Variants in CACNA2D1 observed in about 807,000 individuals in gnomAD.
The protein encoded by CACNA2D1 is voltage-dependent calcium channel subunit alpha-2/delta-1.
A neutral mutation model predicts 171.5 loss-of-function variants in CACNA2D1; 53 were observed. That is an observed-to-expected ratio of 0.31 (90% CI 0.25 to 0.39). CACNA2D1 has a LOEUF of 0.39. Among genes scored for constraint, CACNA2D1 ranks in the 10% least tolerant of loss-of-function variants. The pLI is 1.00. For synonymous variants in CACNA2D1, 442 were observed against 443.1 expected (o/e 1.00, Z 0.03); for missense variants, 903 against 1,299.8 (o/e 0.69, Z 4.69).
At chr7:82,001,592 A>C (rs1398231521) in intron 18 of CACNA2D1, 2 of 486,590 alleles carry the variant, frequency 4.1e-6, no homozygotes, top group Non-Finnish European at 7.5e-6. Flanking sequence ...TAAGAACAGA[A>C]GCTTAATCCC....
At chr7:82,060,022 G>A (rs1282514453) in intron 10 of CACNA2D1, among the ~76,000 whole-genome samples, 1 of 100,188 alleles carries the variant, frequency 1.0e-5, no homozygotes, top group Non-Finnish European at 2.0e-5. Context: ...GGGAGGGATA[G>A]CATTAGGAGA....
At chr7:82,283,343 G>A (rs1395284026) in intron 3 of CACNA2D1, among the ~76,000 whole-genome samples, 3 of 152,148 alleles carry the variant, frequency 2.0e-5, no homozygotes, top group Non-Finnish European at 2.9e-5. Context: ...TTATATGCAA[G>A]GCTGGGCAGG....
At chr7:82,226,150 C>T (rs932194330) in intron 3 of CACNA2D1, among the ~76,000 whole-genome samples, 1 of 152,118 alleles carries the variant, frequency 6.6e-6, no homozygotes, top group Non-Finnish European at 1.5e-5. Flanking sequence ...AGGTGAATAA[C>T]CATCTTATTT....
intron 5 of CACNA2D1, among the ~76,000 whole-genome samples, chr7:82,123,916 T>C (rs1790028274): frequency 1.3e-5 from 2 of 152,098 alleles, no homozygotes; most frequent in Admixed American, 1.3e-4. Context: ...TAAGCATATG[T>C]ATATAAGCAT....
chr7:82,034,250 T>A (rs1156788538), intron 11 of CACNA2D1, among the ~76,000 whole-genome samples: 2 of 152,130 alleles, frequency 1.3e-5, no homozygotes, highest in African/African-American at 4.8e-5. Context: ...GCCCTGGCTT[T>A]TAAATGACTA....
chr7:81,980,500 G>T (rs983809177), intron 24 of CACNA2D1, among the ~76,000 whole-genome samples: 1 of 152,160 alleles, frequency 6.6e-6, no homozygotes, highest in African/African-American at 2.4e-5. Flanking sequence ...ACCAGGACTT[G>T]GTGGAAGAGC....
At chr7:82,194,332 C>T (rs973215821) in intron 3 of CACNA2D1, among the ~76,000 whole-genome samples, 1 of 151,994 alleles carries the variant, frequency 6.6e-6, no homozygotes, top group Admixed American at 6.6e-5. Flanking sequence ...CCAAAAATGA[C>T]AAACTCCTGC....
At chr7:82,319,792 T>C (rs924524163) in intron 3 of CACNA2D1, among the ~76,000 whole-genome samples, 4 of 152,186 alleles carry the variant, frequency 2.6e-5, no homozygotes, top group Admixed American at 1.3e-4. Context: ...GTAGCTGTAA[T>C]TGGGGAGTAA....
chr7:82,111,340 A>C (rs1788364839), intron 6 of CACNA2D1, among the ~76,000 whole-genome samples: 1 of 145,522 alleles, frequency 6.9e-6, no homozygotes, highest in Non-Finnish European at 1.5e-5. Context: ...ACACGTATAT[A>C]TATTCATATA....
intron 1 of CACNA2D1, among the ~76,000 whole-genome samples, chr7:82,371,698 C>T (rs1038161232): frequency 1.3e-5 from 2 of 152,082 alleles, no homozygotes; most frequent in Non-Finnish European, 2.9e-5. Context: ...CCTTAGACTC[C>T]CGAGTAGCTG....
At chr7:82,178,563 T>C (rs1029544567) in intron 3 of CACNA2D1, among the ~76,000 whole-genome samples, 2 of 152,142 alleles carry the variant, frequency 1.3e-5, no homozygotes, top group African/African-American at 4.8e-5. Flanking sequence ...ATTCTGATTC[T>C]ATAGCTGGTG....
chr7:82,372,308 T>C (rs1192487766), intron 1 of CACNA2D1, among the ~76,000 whole-genome samples: 1 of 152,026 alleles, frequency 6.6e-6, no homozygotes, highest in Non-Finnish European at 1.5e-5. Context: ...CAAGGCAACA[T>C]CCCCAAAATT....
chr7:82,283,895 T>C (rs1328344835), intron 3 of CACNA2D1, among the ~76,000 whole-genome samples: 1 of 152,066 alleles, frequency 6.6e-6, no homozygotes, highest in African/African-American at 2.4e-5. Context: ...GATGCCCACC[T>C]TGCAGCATGT....
At chr7:82,113,760 G>A (rs889231974) in intron 6 of CACNA2D1, among the ~76,000 whole-genome samples, 14 of 152,118 alleles carry the variant, frequency 9.2e-5, no homozygotes, top group African/African-American at 3.4e-4. Flanking sequence ...AAGAATACTG[G>A]TAATTATTAA....
intron 21 of CACNA2D1, among the ~76,000 whole-genome samples, chr7:81,985,459 G>A (rs912597427): frequency 2.0e-5 from 3 of 152,130 alleles, no homozygotes; most frequent in South Asian, 4.2e-4. Context: ...TTACAGGCAT[G>A]AGCCTCCACG....
intron 1 of CACNA2D1, among the ~76,000 whole-genome samples, chr7:82,398,178 C>T (rs1412119339): frequency 6.6e-6 from 1 of 152,158 alleles, no homozygotes; most frequent in African/African-American, 2.4e-5. Flanking sequence ...CTTAGAGCCC[C>T]AGTCCTAACA....
rs1791644953 is a variant in CACNA2D1 at position 82,136,618 on chromosome 7, A to G, written c.396+17T>C. On this transcript the variant is annotated intron_variant, in intron 5 of 38. Coordinates refer to ENST00000356860, the MANE Select transcript of CACNA2D1 (RefSeq NM_000722.4). ...TATAATTTTCTTGGAATTTAATGGA[A>G]AACATTTAATACTCACATCGAGATC... The G allele has an allele frequency of 2.6e-6, 4 of 1,564,360 alleles. No individual in the cohort carries two copies. Among genetic ancestry groups the G allele is most frequent in the Non-Finnish European group, 3.5e-6 (4 of 1,143,136 alleles).
At chr7:82,436,871 T>C (rs1472908809) in intron 1 of CACNA2D1, among the ~76,000 whole-genome samples, 1 of 152,172 alleles carries the variant, frequency 6.6e-6, no homozygotes, top group Admixed American at 6.5e-5. Flanking sequence ...TCCCTTCACA[T>C]AGTTTGACAG....
intron 3 of CACNA2D1, among the ~76,000 whole-genome samples, chr7:82,283,004 T>C (rs997858198): frequency 6.6e-6 from 1 of 152,188 alleles, no homozygotes; most frequent in African/African-American, 2.4e-5. Context: ...TATTTTTAAC[T>C]TTATAATAGA....
Sources: gnomAD v4.1 joint callset for allele counts (sites outside exome capture counted in the v4.1 genomes callset) on GRCh38, gnomAD v4.1.1 for gene constraint, MANE v1.5 for transcripts, NCBI Gene and HGNC (gene_info 2026-07-23, HGNC 2026-07-21) for gene names.